Variants in POLQ observed in about 807,000 individuals in gnomAD.
POLQ encodes DNA polymerase theta.
A neutral mutation model predicts 259.2 loss-of-function variants in POLQ; 233 were observed. The observed-to-expected ratio is 0.90, with a 90% CI of 0.81 to 1.00. The LOEUF (loss-of-function observed/expected upper bound fraction) is 1.00. Among genes scored for constraint, POLQ ranks in the 50% least tolerant of loss-of-function variants. The pLI, the probability that POLQ is intolerant of heterozygous loss-of-function variation, is 0.00. For synonymous variants in POLQ, 1,025 were observed against 1,048.8 expected (o/e 0.98, Z 0.44); for missense variants, 2,871 against 3,051.6 (o/e 0.94, Z 1.39).
intron 26 of POLQ, among the ~76,000 whole-genome samples, chr3:121,441,607 G>A (rs1412212062): frequency 1.3e-5 from 2 of 152,228 alleles, no homozygotes; most frequent in East Asian, 3.9e-4. Context: ...TGTTGTGGAG[G>A]TATAACAAAA....
rs551209829 is a variant in POLQ, at chr3:121,475,029, TTTACTC to T, written c.6405+1505_6405+1510del. ...ATTTTTTATGGTAAGACATTTGAAATTTACTCTTAGTTACTTTGAAATATATAATAC... is the reference window on the plus strand; with the variant it reads ...ATTTTTTATGGTAAGACATTTGAAATTTAGTTACTTTGAAATATATAATAC... On this transcript the variant is annotated intron_variant, in intron 20 of 29. Coordinates refer to ENST00000264233, the MANE Select transcript of POLQ (RefSeq NM_199420.4). Among the ~76,000 whole-genome samples, 458 of 152,228 alleles carry T rather than the reference TTTACTC, an allele frequency of 3.0e-3. 2 individuals are homozygous for T. The highest frequency in any genetic ancestry group is 5.3e-3 in the Non-Finnish European group (362 of 68,004).
Position 121,519,861 on chromosome 3 carries a change from A to T in POLQ, c.1468+10T>A. 7.0e-7 allele frequency: 1 copy of T among 1,422,650 alleles called. No homozygotes were observed. Among genetic ancestry groups the T allele is most frequent in the Non-Finnish European group, 9.9e-7 (1 of 1,006,000 alleles). 88.1% of individuals were successfully genotyped at this position (1,422,650 alleles called of 1,614,324 possible). On this transcript the variant is annotated intron_variant, in intron 9 of 29. Coordinates refer to ENST00000264233, the MANE Select transcript of POLQ (RefSeq NM_199420.4). ...GCAATGCTGCTACAATTAAATTCAA[A>T]CTCACTTACCTACTGTGTCCACTCC...
intron 26 of POLQ, among the ~76,000 whole-genome samples, chr3:121,443,863 T>C (rs1392429917): frequency 6.6e-6 from 1 of 152,200 alleles, no homozygotes; most frequent in African/African-American, 2.4e-5. Context: ...CAGTGCATGT[T>C]CTTGGTACCT....
At position 121,473,401 on chromosome 3, in the gene POLQ, C is replaced by T. The variant is rs144550998; in HGVS notation, c.6492G>A (p.Gly2164=). The change falls in exon 21 of 30, where the codon GGG becomes GGA. Residue 2164 remains glycine (G), a synonymous_variant. Transcript: ENST00000264233. ...GCCTTAGCTTGCGTCCATTGTCAAT[C>T]CCTCTTCTGGTAGAACCCAGAGTTT... ...SKKTLGSTRR[G]IDNGRKLRLG... 2.2e-5 allele frequency: 35 copies of T among 1,613,982 alleles called. No homozygotes were observed. Among genetic ancestry groups the T allele is most frequent in the Non-Finnish European group, 2.6e-5 (31 of 1,179,946 alleles).
At chr3:121,505,321 A>ATTTCTTT (rs1442200916) in intron 12 of POLQ, among the ~76,000 whole-genome samples, 1 of 152,150 alleles carries the variant, frequency 6.6e-6, no homozygotes, top group Non-Finnish European at 1.5e-5. Context: ...TTTCTTTATA[A>ATTTCTTT]ATATCCCAGT....
intron 7 of POLQ, among the ~76,000 whole-genome samples, chr3:121,523,957 A>G (rs1260907707): frequency 2.0e-5 from 3 of 152,194 alleles, no homozygotes; most frequent in South Asian, 4.1e-4. Flanking sequence ...TTTTACTTCA[A>G]AAAAAGACAT....
At chr3:121,500,260 C>G (rs1275026331) in intron 12 of POLQ, among the ~76,000 whole-genome samples, 1 of 113,654 alleles carries the variant, frequency 8.8e-6, no homozygotes, top group Non-Finnish European at 1.7e-5. Flanking sequence ...GTTTGGGCAA[C>G]AGAGCAAGAA....
At position 121,449,347 on chromosome 3, in the gene POLQ, C is replaced by G. The variant is rs138575624; in HGVS notation, c.7232G>C (p.Cys2411Ser). Residue 2411 changes from cysteine to serine, a missense_variant, in exon 26 of 30, where the codon TGC becomes TCC. By Grantham distance (112) the Cys-to-Ser change is moderately radical. Coordinates refer to ENST00000264233, the MANE Select transcript of POLQ (RefSeq NM_199420.4). ...TCTGGATTTGAAGGAGTCAATATAG[C>G]ATGCAGCATCATTTTCTTTAATGCC... ...QMGIKENDAA[C>S]YIDSFKSRYT... 1.2e-4 allele frequency: 190 copies of G among 1,588,994 alleles called. No individual in the cohort carries two copies. The highest frequency in any genetic ancestry group is 1.6e-4 in the Non-Finnish European group (180 of 1,157,420).
chr3:121,495,524 A>G (rs2048111187), intron 14 of POLQ, among the ~76,000 whole-genome samples: 1 of 152,074 alleles, frequency 6.6e-6, no homozygotes. Flanking sequence ...GCAGTCTTTC[A>G]TCTTTGATAC....
At position 121,522,129 on chromosome 3, in the gene POLQ, A is replaced by G. The variant is rs1334137993; in HGVS notation, c.1129T>C (p.Cys377Arg). 5 of 1,604,080 alleles carry G rather than the reference A, an allele frequency of 3.1e-6. No individual in the cohort carries two copies. Among genetic ancestry groups the G allele is most frequent in the Non-Finnish European group, 4.2e-6 (5 of 1,177,562 alleles). ...TTTTGTTCCAGAATTACTGGTGGGC[A>G]TTCAGAGGGTTTCACCAATCCTGTC... is the stretch of plus-strand genomic sequence containing the variant. ...QAEGLVKPSE[C>R]PPVILEQKEL... The change falls in exon 8 of 30, where the codon TGC (cysteine) becomes CGC (arginine). Residue 377 changes from cysteine to arginine, a missense_variant. By Grantham distance (180) the Cys-to-Arg change is radical. Around this residue, in one of 3 missense-constraint regions of POLQ, gnomAD observed 783 missense variants for 906.2 expected, o/e 0.86. Transcript: ENST00000264233.
chr3:121,433,350 C>T (rs1434880510), intron 28 of POLQ, among the ~76,000 whole-genome samples: 1 of 152,208 alleles, frequency 6.6e-6, no homozygotes, highest in East Asian at 1.9e-4. Flanking sequence ...AGTCCCCCAA[C>T]CACCATCTGA....
At chr3:121,508,284 A>C (rs1044307883) in intron 12 of POLQ, among the ~76,000 whole-genome samples, 2 of 152,202 alleles carry the variant, frequency 1.3e-5, no homozygotes, top group Non-Finnish European at 2.9e-5. Context: ...CAGGAGTAGG[A>C]GTAGTTAGGT....
At position 121,513,676 on chromosome 3, in the gene POLQ, C is replaced by A. The variant is rs116128779; in HGVS notation, c.1469-1647G>T. Among the ~76,000 whole-genome samples, 287 of 151,364 alleles carry A rather than the reference C, an allele frequency of 1.9e-3. 3 individuals are homozygous for A. Among genetic ancestry groups the A allele is most frequent in the African/African-American group, 6.5e-3 (269 of 41,250 alleles). ...GGTGGTTTAGGAGGCTTTACTACCC[C>A]CCTCCCCAGAAGCTTCAACTAGCTT... is the stretch of plus-strand genomic sequence containing the variant. On this transcript the variant is annotated intron_variant, in intron 9 of 29. Coordinates refer to ENST00000264233, the MANE Select transcript of POLQ (RefSeq NM_199420.4).
chr3:121,479,486 A>T lies in POLQ; in HGVS notation c.6211+2086T>A, dbSNP rs527485971. 2.0e-5 allele frequency among the ~76,000 whole-genome samples: 3 copies of T among 152,228 alleles called. No individual in the cohort carries two copies. The South Asian group carries it at 6.2e-4, about 32-fold the overall frequency. On this transcript the variant is annotated intron_variant, in intron 19 of 29. Coordinates refer to ENST00000264233, the MANE Select transcript of POLQ (RefSeq NM_199420.4). ...GTTTGTTTGTTTGTTTTTGTGATAC[A>T]GATCCTCACTCTATTGCCCAGACTG...
At chr3:121,539,217 A>G (rs1430462259) in intron 4 of POLQ, among the ~76,000 whole-genome samples, 1 of 152,192 alleles carries the variant, frequency 6.6e-6, no homozygotes, top group Non-Finnish European at 1.5e-5. Context: ...ACGTTTTGTA[A>G]AGTACAAAAA....
At chr3:121,467,440 C>T (rs2047847440) in intron 24 of POLQ, 79 bp downstream of exon 24, 4 of 1,407,108 alleles carry the variant, frequency 2.8e-6, no homozygotes, top group Non-Finnish European at 4.0e-6. Flanking sequence ...CTAAGTCTCA[C>T]TCATATTTCA....
At chr3:121,432,566 A>G (rs1363500288) in intron 29 of POLQ, 149 bp from the exon 30 acceptor site, 5 of 718,812 alleles carry the variant, frequency 7.0e-6, no homozygotes, top group Non-Finnish European at 6.2e-6. Flanking sequence ...TAAAATAAAT[A>G]AATGAATAAA....
Position 121,433,051 on chromosome 3 carries a change from A to G in POLQ, c.7544-18T>C, listed in dbSNP as rs770108988. 1.5e-5 allele frequency: 20 copies of G among 1,330,284 alleles called. No homozygotes were observed. The highest frequency in any genetic ancestry group is 2.1e-5 in the Non-Finnish European group (19 of 921,344). The allele number at this position is 1,330,284 out of a possible 1,614,324, so 82.4% of individuals were successfully genotyped here. A position where few individuals can be genotyped will look rare whatever the true frequency, so the allele number is the denominator to read the frequency against. Reference sequence around the variant, plus strand: ...TGACAATCCTACTTCATGAAAAAGGAGCAAAACTGATCAGCATGTCGCTAA... The same window carrying G: ...TGACAATCCTACTTCATGAAAAAGGGGCAAAACTGATCAGCATGTCGCTAA... On this transcript the variant is annotated intron_variant, in intron 28 of 29. Transcript: ENST00000264233.
At position 121,541,388 on chromosome 3, in the gene POLQ, G is replaced by C. The variant is rs773627886; in HGVS notation, c.435C>G (p.Pro145=). 6.8e-6 allele frequency: 11 copies of C among 1,608,942 alleles called. No homozygotes were observed. In the Admixed American group the frequency reaches 1.9e-4, roughly 27 times the overall value. Residue 145 remains proline (P), a synonymous_variant, in exon 3 of 30, where the codon CCC becomes CCG. Coordinates refer to ENST00000264233, the MANE Select transcript of POLQ (RefSeq NM_199420.4). ...EMRKKALFIL[P]FVSVAKEKKY... Reference sequence around the variant, plus strand: ...TCTTCTCTTTAGCCACAGAAACAAAGGGAAGAATAAACAAAGCTTTCTTCC... The same window carrying C: ...TCTTCTCTTTAGCCACAGAAACAAACGGAAGAATAAACAAAGCTTTCTTCC...
Sources: allele counts gnomAD v4.1 joint callset (sites outside exome capture counted in the v4.1 genomes callset), GRCh38; gene constraint gnomAD v4.1.1; regional missense constraint gnomAD v4.1.1; transcripts MANE v1.5; gene names NCBI Gene and HGNC (gene_info 2026-07-23, HGNC 2026-07-21).